Variants in ANKRD42 observed in about 807,000 individuals in gnomAD.
ANKRD42 encodes the protein ankyrin repeat domain-containing protein 42.
In ANKRD42, 43 loss-of-function variants were observed where a neutral mutation model predicts 51.5. That is an observed-to-expected ratio of 0.83 (90% CI 0.65 to 1.08). The LOEUF (loss-of-function observed/expected upper bound fraction) is 1.08, where lower values mean the gene tolerates loss of function less well. ANKRD42 is among the 50% of genes least tolerant of loss of function. The pLI, the probability that ANKRD42 is intolerant of heterozygous loss-of-function variation, is 0.00. For missense variants in ANKRD42, 608 were observed against 629.3 expected (o/e 0.97, Z 0.36); for synonymous variants, 203 against 213.0 (o/e 0.95, Z 0.41).
chr11:83,240,733 G>T lies in ANKRD42; in HGVS notation c.1020-26G>T. The stretch of plus-strand genomic sequence containing the variant: ...TCAGTTTGAAGAAGATTGTGGATCT[G>T]GTTAGTTATTGATTCTTTTCTACAG... On this transcript the variant is annotated intron_variant, in intron 8 of 10. Coordinates refer to ENST00000533342, the MANE Select transcript of ANKRD42 (RefSeq NM_001300975.2). The T allele has an allele frequency of 1.9e-6, 3 of 1,612,084 alleles. No individual in the cohort carries two copies. The South Asian group carries it at 3.3e-5, about 18-fold the overall frequency.
intron 3 of ANKRD42, among the ~76,000 whole-genome samples, chr11:83,207,072 C>A (rs1023871900): frequency 4.6e-5 from 7 of 152,152 alleles, no homozygotes; most frequent in Non-Finnish European, 8.8e-5. Flanking sequence ...AGGAAACTTA[C>A]AATCATGGTG....
chr11:83,220,492 AAG>A (rs1862686191), intron 5 of ANKRD42, among the ~76,000 whole-genome samples: 1 of 152,146 alleles, frequency 6.6e-6, no homozygotes, highest in Non-Finnish European at 1.5e-5. Context: ...AGCCATGCCA[AAG>A]AATTGGTGTG....
intron 2 of ANKRD42, among the ~76,000 whole-genome samples, chr11:83,205,238 C>T (rs1227528727): frequency 2.0e-5 from 3 of 152,198 alleles, no homozygotes. Context: ...GAACAATGCA[C>T]ATAATAGTCT....
intron 5 of ANKRD42, among the ~76,000 whole-genome samples, chr11:83,222,711 AG>A (rs960115831): frequency 6.6e-6 from 1 of 152,182 alleles, no homozygotes; most frequent in Non-Finnish European, 1.5e-5. Flanking sequence ...AACAGAAGTG[AG>A]GGGGTGAGTA....
At chr11:83,198,427 T>C (rs1183688013) in intron 1 of ANKRD42, 52 bp from the exon 2 acceptor site, 2 of 1,528,444 alleles carry the variant, frequency 1.3e-6, no homozygotes, top group Admixed American at 2.1e-5. Flanking sequence ...TTAGTCTTTT[T>C]TTTTCTTTCA....
chr11:83,256,627 T>A (rs1369148416), downstream of ANKRD42, among the ~76,000 whole-genome samples: 1 of 152,190 alleles, frequency 6.6e-6, no homozygotes, highest in African/African-American at 2.4e-5. Context: ...GTGTAGCTCT[T>A]GTCTCCCCCT....
chr11:83,196,388 A>G (rs1410887112), intron 1 of ANKRD42, among the ~76,000 whole-genome samples: 1 of 114,734 alleles, frequency 8.7e-6, no homozygotes. Flanking sequence ...TTTGTGTGTG[A>G]GTGTGTGAGA....
chr11:83,236,422 T>G lies in ANKRD42; in HGVS notation c.932T>G (p.Ile311Arg). The G allele has an allele frequency of 6.2e-7, 1 of 1,610,782 alleles. No homozygotes were observed. Among genetic ancestry groups the G allele is most frequent in the African/African-American group, 1.3e-5 (1 of 75,010 alleles). The change falls in exon 8 of 11, where the codon ATA becomes AGA. Residue 311 changes from isoleucine (I) to arginine (R), a missense_variant. Coordinates refer to ENST00000533342, the MANE Select transcript of ANKRD42 (RefSeq NM_001300975.2). ...PMHKAAGQGHIECLQWLIKMG... is the reference protein window; with the variant it reads ...PMHKAAGQGHRECLQWLIKMG... The stretch of plus-strand genomic sequence containing the variant: ...TGAACAGCTGCTGGACAAGGCCACA[T>G]AGAGTGTTTGCAGTGGTTAATTAAA...
At chr11:83,235,181 G>C (rs1424644474) in intron 7 of ANKRD42, among the ~76,000 whole-genome samples, 1 of 152,148 alleles carries the variant, frequency 6.6e-6, no homozygotes, top group Non-Finnish European at 1.5e-5. Context: ...TTTTAAGATA[G>C]GATGCAATTA....
At chr11:83,203,537 G>C (rs991409589) in intron 2 of ANKRD42, among the ~76,000 whole-genome samples, 1 of 151,642 alleles carries the variant, frequency 6.6e-6, no homozygotes, top group African/African-American at 2.4e-5. Flanking sequence ...GGGACTACAG[G>C]CATGTGCCAC....
At chr11:83,246,273 A>C (rs1863540094) in intron 10 of ANKRD42, among the ~76,000 whole-genome samples, 11 of 152,342 alleles carry the variant, frequency 7.2e-5, no homozygotes, top group South Asian at 2.1e-4. Context: ...TGCTACAACA[A>C]CTTATTGTAT....
In ANKRD42 at chr11:83,248,022, C is replaced by G. The variant is rs372799048; in HGVS notation, c.1402C>G (p.Arg468Gly). The G allele has an allele frequency of 1.2e-6, 2 of 1,610,986 alleles. No individual in the cohort carries two copies. Among genetic ancestry groups the G allele is most frequent in the Admixed American group, 3.4e-5 (2 of 59,698 alleles). ...ATTAGAATGTCAGCTTGATGAATAT[C>G]GAGCAGAAGTTGATCAACTCAGGGA... ...EKLECQLDEY[R>G]AEVDQLRETL... is the part of the protein sequence containing the mutation. Residue 468 changes from arginine to glycine, a missense_variant, in exon 11 of 11, where the codon CGA (arginine) becomes GGA (glycine). Transcript: ENST00000533342.
chr11:83,211,538 T>G (rs1357942327), intron 5 of ANKRD42, 108 bp downstream of exon 5: 103 of 1,266,508 alleles, frequency 8.1e-5, no homozygotes, highest in Non-Finnish European at 1.1e-4. Flanking sequence ...GGCTTACATC[T>G]GTAATCTCAG....
chr11:83,225,516 G>GA (rs1862851249), intron 6 of ANKRD42, among the ~76,000 whole-genome samples: 1 of 150,494 alleles, frequency 6.6e-6, no homozygotes, highest in Non-Finnish European at 1.5e-5. Context: ...AGTGAACCGT[G>GA]ATTGTACCTC....
chr11:83,205,471 A>T lies in ANKRD42; in HGVS notation c.223-587A>T, dbSNP rs971652215. ...GGTGGTAGCATATACAAACTTGAACATATAAAGACAGTAACACCGTATGTG... is the reference window on the plus strand; with the variant it reads ...GGTGGTAGCATATACAAACTTGAACTTATAAAGACAGTAACACCGTATGTG... On this transcript the variant is annotated intron_variant, in intron 2 of 10. Transcript: ENST00000533342. Among the ~76,000 whole-genome samples the T allele has an allele frequency of 3.9e-5, 6 of 152,258 alleles. No individual in the cohort carries two copies. In the East Asian group the frequency reaches 1.2e-3, roughly 29 times the overall value.
intron 3 of ANKRD42, chr11:83,209,602 G>A: frequency 1.1e-6 from 1 of 880,272 alleles, no homozygotes; most frequent in Non-Finnish European, 2.0e-6. Flanking sequence ...ACATATTGCT[G>A]TTCCGGTGCC....
At chr11:83,234,762 T>C (rs1863178254) in intron 7 of ANKRD42, among the ~76,000 whole-genome samples, 1 of 152,128 alleles carries the variant, frequency 6.6e-6, no homozygotes. Flanking sequence ...TTAATAGAGG[T>C]CTGAGAAATC....
intron 2 of ANKRD42, among the ~76,000 whole-genome samples, chr11:83,202,938 T>C (rs949484042): frequency 2.0e-5 from 3 of 152,100 alleles, no homozygotes; most frequent in Non-Finnish European, 4.4e-5. Flanking sequence ...ACGTTTATAT[T>C]TTTAGTGTCT....
At chr11:83,254,430 CTTTTCTTTTT>C (rs982702468) in intron 11 of ANKRD42, among the ~76,000 whole-genome samples, 1 of 130,412 alleles carries the variant, frequency 7.7e-6, no homozygotes, top group African/African-American at 3.0e-5. Flanking sequence ...TTTCTTTTTT[CTTTTCTTTTT>C]TTTTTTTTTG....
Sources: gnomAD v4.1 joint callset for allele counts (sites outside exome capture counted in the v4.1 genomes callset) on GRCh38, gnomAD v4.1.1 for gene constraint, MANE v1.5 for transcripts, NCBI Gene and HGNC (gene_info 2026-07-23, HGNC 2026-07-21) for gene names.